CACNG2: variants seen among roughly 807,000 people sequenced by gnomAD.
CACNG2 encodes the protein voltage-dependent calcium channel gamma-2 subunit.
In CACNG2, 3 loss-of-function variants were observed where a neutral mutation model predicts 25.9. That is an observed-to-expected ratio of 0.12 (90% CI 0.05 to 0.30). The LOEUF is 0.30. Ranked by LOEUF, CACNG2 falls within the 10% of genes least tolerant of loss-of-function variation. CACNG2 has a pLI of 1.00. For synonymous variants in CACNG2, 167 were observed against 173.3 expected, an observed-to-expected ratio of 0.96 and a Z score of 0.29; for missense variants, 341 against 432.5, an observed-to-expected ratio of 0.79 and a Z score of 1.88.
chr22:36,619,937 A>T (rs1272719940), intron 1 of CACNG2, among the ~76,000 whole-genome samples: 1 of 152,284 alleles, frequency 6.6e-6, no homozygotes, highest in African/African-American at 2.4e-5. Context: ...ACTTGGGGTC[A>T]TCGCTTTGTG....
chr22:36,629,890 G>T (rs904964547), intron 1 of CACNG2, among the ~76,000 whole-genome samples: 1 of 152,140 alleles, frequency 6.6e-6, no homozygotes, highest in Non-Finnish European at 1.5e-5. Flanking sequence ...GTGATGTGTC[G>T]CAAAGCCTAC....
At chr22:36,577,582 G>A (rs1423266228) in intron 2 of CACNG2, among the ~76,000 whole-genome samples, 1 of 151,566 alleles carries the variant, frequency 6.6e-6, no homozygotes, top group African/African-American at 2.4e-5. Context: ...CCGGGGAGGC[G>A]GAGGTTGCAG....
intron 1 of CACNG2, among the ~76,000 whole-genome samples, chr22:36,598,362 A>G (rs1228287856): frequency 6.6e-6 from 1 of 152,232 alleles, no homozygotes; most frequent in African/African-American, 2.4e-5. Flanking sequence ...TCATGCCTAT[A>G]ATCCCAGCAC....
At chr22:36,591,374 C>T (rs1483894333) in intron 1 of CACNG2, among the ~76,000 whole-genome samples, 1 of 152,070 alleles carries the variant, frequency 6.6e-6, no homozygotes, top group East Asian at 1.9e-4. Flanking sequence ...TGGGAATGTT[C>T]TAGTAGAGAG....
chr22:36,566,588 G>A, intron 2 of CACNG2, 95 bp from the exon 3 acceptor site: 1 of 1,344,604 alleles, frequency 7.4e-7, no homozygotes. Context: ...GAGGCGCTGG[G>A]GGTTTATGGA....
At chr22:36,590,468 AG>A (rs1418989779) in intron 1 of CACNG2, among the ~76,000 whole-genome samples, 1 of 152,106 alleles carries the variant, frequency 6.6e-6, no homozygotes, top group Non-Finnish European at 1.5e-5. Context: ...GCCTGAGCCT[AG>A]TTGTCAGCGC....
intron 2 of CACNG2, among the ~76,000 whole-genome samples, chr22:36,580,538 T>C (rs1010472199): frequency 6.6e-6 from 1 of 152,092 alleles, no homozygotes; most frequent in Admixed American, 6.5e-5. Context: ...GATCCCCCCA[T>C]TGAGGCCTGT....
At chr22:36,670,507 T>C (rs1426308300) in intron 1 of CACNG2, among the ~76,000 whole-genome samples, 1 of 152,170 alleles carries the variant, frequency 6.6e-6, no homozygotes, top group Non-Finnish European at 1.5e-5. Context: ...AAATTGAGCT[T>C]TTGTGGTAGG....
chr22:36,645,536 CAAAAAAA>C (rs200600420), intron 1 of CACNG2, among the ~76,000 whole-genome samples: 12 of 134,864 alleles, frequency 8.9e-5, no homozygotes, highest in East Asian at 4.2e-4. Context: ...GACTCTGTCT[CAAAAAAA>C]AAAAAAAAAA....
chr22:36,604,015 A>C (rs1212065051), intron 1 of CACNG2, among the ~76,000 whole-genome samples: 1 of 152,228 alleles, frequency 6.6e-6, no homozygotes, highest in Non-Finnish European at 1.5e-5. Flanking sequence ...AAGTAAATAA[A>C]AAAATCTTCT....
chr22:36,641,344 G>A (rs1464759295), intron 1 of CACNG2, among the ~76,000 whole-genome samples: 1 of 152,106 alleles, frequency 6.6e-6, no homozygotes, highest in Non-Finnish European at 1.5e-5. Flanking sequence ...GCCAATAGAT[G>A]TTTCTTGCAC....
intron 1 of CACNG2, among the ~76,000 whole-genome samples, chr22:36,650,458 C>T (rs1378256795): frequency 6.6e-6 from 1 of 152,062 alleles, no homozygotes; most frequent in Non-Finnish European, 1.5e-5. Flanking sequence ...GTAGCCTCGA[C>T]CTCCCAAGGC....
chr22:36,699,011 C>G (rs1937376262), intron 1 of CACNG2, among the ~76,000 whole-genome samples: 1 of 152,178 alleles, frequency 6.6e-6, no homozygotes, highest in Admixed American at 6.5e-5. Context: ...AGCCTAGAGA[C>G]ACCTTGCTTG....
intron 1 of CACNG2, among the ~76,000 whole-genome samples, chr22:36,680,346 C>A (rs1424723067): frequency 7.3e-6 from 1 of 136,926 alleles, no homozygotes; most frequent in Non-Finnish European, 1.6e-5. Flanking sequence ...TCACCATCAT[C>A]ACTACCACCA....
chr22:36,700,048 CA>C (rs1371754783), intron 1 of CACNG2, among the ~76,000 whole-genome samples: 1 of 152,264 alleles, frequency 6.6e-6, no homozygotes, highest in African/African-American at 2.4e-5. Context: ...AAGGGAGTAT[CA>C]TCCCTGAGGA....
In CACNG2 at chr22:36,606,263, C is replaced by G. The variant is rs1041294179; in HGVS notation, c.212-18715G>C. On this transcript the variant is annotated intron_variant, in intron 1 of 3. Transcript: ENST00000300105. This position sits in a 1 kb window ranked among gnomAD's most constrained non-coding sequence, Gnocchi z 5.7. The stretch of plus-strand genomic sequence containing the variant: ...ATGCAGACGACCCAGAATGAAACCA[C>G]AAGGGCAGCGAGGGCGTTGGCTGGT... 6.6e-6 allele frequency among the ~76,000 whole-genome samples: 1 copy of G among 152,218 alleles called. No homozygotes were observed. The highest frequency in any genetic ancestry group is 2.4e-5 in the African/African-American group (1 of 41,446).
intron 2 of CACNG2, among the ~76,000 whole-genome samples, chr22:36,584,262 G>A (rs1935465092): frequency 6.6e-6 from 1 of 152,166 alleles, no homozygotes; most frequent in Admixed American, 6.5e-5. Flanking sequence ...GACCAGCCAG[G>A]CTAACATGGT....
intron 1 of CACNG2, among the ~76,000 whole-genome samples, chr22:36,594,682 C>T (rs1443891377): frequency 6.6e-6 from 1 of 151,474 alleles, no homozygotes; most frequent in Non-Finnish European, 1.5e-5. Flanking sequence ...TGTATGCCCG[C>T]GTGTGTGTCT....
At chr22:36,675,706 C>CT (rs1937011503) in intron 1 of CACNG2, among the ~76,000 whole-genome samples, 2 of 152,234 alleles carry the variant, frequency 1.3e-5, no homozygotes, top group African/African-American at 4.8e-5. Context: ...ATCTCCGTGC[C>CT]TCTCTCCTGC....
Sources: allele counts gnomAD v4.1 joint callset (sites outside exome capture counted in the v4.1 genomes callset), GRCh38; gene constraint gnomAD v4.1.1; non-coding constraint Gnocchi (gnomAD v3.1); transcripts MANE v1.5; gene names NCBI Gene and HGNC (gene_info 2026-07-23, HGNC 2026-07-21).